The following USP53 variants were observed in gnomAD, a reference collection of about 807,000 sequenced individuals.
The protein encoded by USP53 is ubiquitin carboxyl-terminal hydrolase 53.
Under a neutral mutation model 94.9 loss-of-function variants are expected in USP53, and 71 were observed. The ratio of observed to expected loss-of-function variants is 0.75; its 90% CI spans 0.62 to 0.91. The LOEUF (loss-of-function observed/expected upper bound fraction) is 0.91, where lower values mean the gene tolerates loss of function less well. Ranked by LOEUF, USP53 falls within the 40% of genes least tolerant of loss-of-function variation. The probability of loss-of-function intolerance (pLI) is 0.00; values close to 1 mark genes in which losing one functional copy is unlikely to be tolerated. For missense variants in USP53, 1,173 were observed against 1,281.0 expected (o/e 0.92, Z 1.29); for synonymous variants, 375 against 422.7 (o/e 0.89, Z 1.39).
intron 3 of USP53, among the ~76,000 whole-genome samples, chr4:119,227,845 C>G (rs536488841): frequency 1.3e-5 from 2 of 152,270 alleles, no homozygotes; most frequent in Admixed American, 6.5e-5. Context: ...CAATTAATCT[C>G]CCTTTACCAG....
At chr4:119,280,170 T>G (rs1753337132) in intron 17 of USP53, among the ~76,000 whole-genome samples, 1 of 152,218 alleles carries the variant, frequency 6.6e-6, no homozygotes, top group African/African-American at 2.4e-5. Context: ...ATGTCTCTTA[T>G]TAAAGATAGC....
intron 3 of USP53, chr4:119,219,057 T>A (rs963371544): frequency 2.3e-4 from 35 of 152,228 alleles, no homozygotes; most frequent in African/African-American, 6.8e-4. Flanking sequence ...TATGTAGTAT[T>A]TCTGTGGTAT....
At position 119,292,883 on chromosome 4, in the gene USP53, C is replaced by T; in HGVS notation, c.2894C>T (p.Thr965Ile). The change falls in exon 19 of 19, where the codon ACA becomes ATA. Residue 965 changes from threonine to isoleucine, a missense_variant. Physicochemically the swap from Thr to Ile is moderately conservative, Grantham distance 89 (BLOSUM62 -1). Transcript: ENST00000692078. The stretch of plus-strand genomic sequence containing the variant: ...CATCTTCCGAAGCACAGTTTAAGTA[C>T]AGCTTCAGAACCAAGTTTAGAAGTG... ...TSHLPKHSLS[T>I]ASEPSLEVST... 6.2e-7 allele frequency: 1 copy of T among 1,614,056 alleles called. No individual in the cohort carries two copies. The highest frequency in any genetic ancestry group is 8.5e-7 in the Non-Finnish European group (1 of 1,179,958).
chr4:119,241,352 A>T (rs911769062), intron 5 of USP53, among the ~76,000 whole-genome samples: 4 of 152,154 alleles, frequency 2.6e-5, no homozygotes, highest in African/African-American at 9.7e-5. Context: ...ATAGATCCAC[A>T]TTCCATCTGA....
At chr4:119,214,458 A>G (rs1043250857) in intron 2 of USP53, among the ~76,000 whole-genome samples, 1 of 152,138 alleles carries the variant, frequency 6.6e-6, no homozygotes, top group Admixed American at 6.5e-5. Flanking sequence ...ATTTTAACAA[A>G]TATTTTTAAA....
chr4:119,222,270 A>T (rs1025389743), intron 3 of USP53, among the ~76,000 whole-genome samples: 1 of 152,112 alleles, frequency 6.6e-6, no homozygotes, highest in Non-Finnish European at 1.5e-5. Flanking sequence ...GGTTGTTGGG[A>T]TGTCCATCGC....
rs78098639 is a variant in USP53 at position 119,269,800 on chromosome 4, A to G, written c.1398A>G (p.Leu466=). 1.0e-4 allele frequency: 153 copies of G among 1,525,136 alleles called. No individual in the cohort carries two copies. The East Asian group carries it at 3.7e-3, about 37-fold the overall frequency. The allele number at this position is 1,525,136 out of a possible 1,614,324, so 94.5% of individuals were successfully genotyped here. ...TACTTTCTTCACAAAGGAAAGATTT[A>G]GAGAAGGGACAAAGAAAAGATTTAG... The part of the protein sequence containing the change: ...KNLLSSQRKD[L]EKGQRKDLGR... The change falls in exon 15 of 19, where the codon TTA becomes TTG. Residue 466 remains leucine, a synonymous_variant. Coordinates refer to ENST00000692078, the MANE Select transcript of USP53 (RefSeq NM_001371395.1).
At chr4:119,230,662 AAC>A (rs1224322221) in intron 3 of USP53, among the ~76,000 whole-genome samples, 1 of 152,154 alleles carries the variant, frequency 6.6e-6, no homozygotes, top group East Asian at 1.9e-4. Context: ...AACTGGGCAA[AAC>A]ACACAGGATA....
rs574205441 is a variant in USP53, at chr4:119,228,044, G to T, written c.-664-7246G>T. On this transcript the variant is annotated intron_variant, in intron 3 of 18. Transcript: ENST00000692078. ...GAATGTATTAATTTTCTATTACTAT[G>T]TAACAAATTACCACAACAGCTTAAA... Among the ~76,000 whole-genome samples the T allele has an allele frequency of 4.6e-5, 7 of 152,316 alleles. No homozygotes were observed. The East Asian group carries it at 1.4e-3, about 29-fold the overall frequency.
At chr4:119,233,245 A>T (rs1329986248) in intron 3 of USP53, among the ~76,000 whole-genome samples, 4 of 139,114 alleles carry the variant, frequency 2.9e-5, no homozygotes, top group African/African-American at 5.4e-5. Context: ...TTAGTTTGGG[A>T]TTTATTTTTT....
intron 3 of USP53, chr4:119,218,328 T>C (rs569691376): frequency 1.3e-5 from 2 of 152,350 alleles, no homozygotes; most frequent in African/African-American, 4.8e-5. Flanking sequence ...GATCATGTCT[T>C]AAAAGTAGAC....
intron 4 of USP53, among the ~76,000 whole-genome samples, chr4:119,238,953 A>AT (rs1747163343): frequency 6.6e-6 from 1 of 152,126 alleles, no homozygotes; most frequent in Admixed American, 6.6e-5. Context: ...CTGAAATATA[A>AT]TTTATTCTAG....
chr4:119,251,351 G>C (rs1377978293), intron 7 of USP53, among the ~76,000 whole-genome samples: 1 of 152,112 alleles, frequency 6.6e-6, no homozygotes, highest in Non-Finnish European at 1.5e-5. Flanking sequence ...TGTGAATAGT[G>C]CCACAATAAA....
chr4:119,249,735 G>A (rs1048886806), intron 7 of USP53, among the ~76,000 whole-genome samples: 1 of 147,462 alleles, frequency 6.8e-6, no homozygotes, highest in Admixed American at 6.9e-5. Flanking sequence ...TGTGATCTCG[G>A]CTCACTGCAA....
Position 119,261,847 on chromosome 4 carries a change from G to A in USP53, c.955G>A (p.Asp319Asn). 6.8e-7 allele frequency: 1 copy of A among 1,473,560 alleles called. No homozygotes were observed. The highest frequency in any genetic ancestry group is 9.1e-7 in the Non-Finnish European group (1 of 1,093,724). 91.3% of individuals were successfully genotyped at this position (1,473,560 alleles called of 1,614,324 possible). ...AAGTTCCAAATGGGTATTTTTTGAT[G>A]ATGCAAATGTGAAAGAGGTAAGTGA... is the stretch of plus-strand genomic sequence containing the variant. Reference protein sequence around the residue: ...TKSSKWVFFDDANVKEIGTRW... With the variant: ...TKSSKWVFFDNANVKEIGTRW... The change falls in exon 12 of 19, where the codon GAT becomes AAT. Residue 319 changes from aspartate (D) to asparagine (N), a missense_variant. Transcript: ENST00000692078.
At position 119,231,471 on chromosome 4, in the gene USP53, T is replaced by A. The variant is rs759136390; in HGVS notation, c.-664-3819T>A. On this transcript the variant is annotated intron_variant, in intron 3 of 18. Coordinates refer to ENST00000692078, the MANE Select transcript of USP53 (RefSeq NM_001371395.1). ...ATTATTAGCAGTGAAAGAAGGTACC[T>A]CTTCCCTTTTATCCTCACCAACAGT... is the stretch of plus-strand genomic sequence containing the variant. 1.2e-4 allele frequency among the ~76,000 whole-genome samples: 19 copies of A among 152,266 alleles called. No individual in the cohort carries two copies. The South Asian group carries it at 2.1e-3, about 17-fold the overall frequency.
chr4:119,219,299 T>C lies in USP53; in HGVS notation c.-665+1626T>C, dbSNP rs573759757. 6.6e-5 allele frequency: 10 copies of C among 152,356 alleles called. No homozygotes were observed. In the East Asian group the frequency reaches 1.7e-3, roughly 26 times the overall value. 9.4% of individuals were successfully genotyped at this position (152,356 alleles called of 1,614,324 possible). On this transcript the variant is annotated intron_variant, in intron 3 of 18. Transcript: ENST00000692078. ...ATTGGTTCCAACTGAGGGCTCTGAATAGAATCTTTCCTTGCCCCTTCCTAA... is the reference window on the plus strand; with the variant it reads ...ATTGGTTCCAACTGAGGGCTCTGAACAGAATCTTTCCTTGCCCCTTCCTAA...
intron 17 of USP53, among the ~76,000 whole-genome samples, chr4:119,273,947 A>G (rs1752207218): frequency 1.3e-5 from 2 of 151,048 alleles, no homozygotes; most frequent in South Asian, 4.1e-4. Flanking sequence ...AAAGCATGCT[A>G]TACTTTCCAC....
Position 119,273,827 on chromosome 4 carries a change from C to T in USP53, c.2251+119C>T, listed in dbSNP as rs968703761. On this transcript the variant is annotated intron_variant, in intron 17 of 18. Coordinates refer to ENST00000692078, the MANE Select transcript of USP53 (RefSeq NM_001371395.1). ...GACTATAAAAATTATTTTTAAATAA[C>T]CCTAAAATATCAATAAACAAGTTTT... 7 of 733,342 alleles carry T rather than the reference C, an allele frequency of 9.5e-6. No homozygotes were observed. The Admixed American group carries it at 1.5e-4, about 16-fold the overall frequency. The allele number at this position is 733,342 out of a possible 1,614,324, so 45.4% of individuals were successfully genotyped here.
Sources: allele counts gnomAD v4.1 joint callset (sites outside exome capture counted in the v4.1 genomes callset), GRCh38; gene constraint gnomAD v4.1.1; transcripts MANE v1.5; gene names NCBI Gene and HGNC (gene_info 2026-07-23, HGNC 2026-07-21).